Variants in TMEM163 observed in about 807,000 individuals in gnomAD.
The protein encoded by TMEM163 is transmembrane protein 163.
Under a neutral mutation model 29.3 loss-of-function variants are expected in TMEM163, and 17 were observed. That is an observed-to-expected ratio of 0.58 (90% CI 0.40 to 0.87). The LOEUF (loss-of-function observed/expected upper bound fraction) is 0.87, where lower values mean the gene tolerates loss of function less well. TMEM163 is among the 40% of genes least tolerant of loss of function. The probability of loss-of-function intolerance (pLI) is 0.00; values close to 1 mark genes in which losing one functional copy is unlikely to be tolerated. For synonymous variants in TMEM163, 157 were observed against 160.6 expected, an observed-to-expected ratio of 0.98 and a Z score of 0.17; for missense variants, 303 against 381.5, an observed-to-expected ratio of 0.79 and a Z score of 1.71.
intron 2 of TMEM163, among the ~76,000 whole-genome samples, chr2:134,701,133 C>T (rs934048639): frequency 2.0e-5 from 3 of 150,236 alleles, no homozygotes; most frequent in African/African-American, 7.4e-5. Context: ...TTTGGTACTC[C>T]AAAGTAAATT....
intron 4 of TMEM163, among the ~76,000 whole-genome samples, chr2:134,516,792 C>CATATATATGAATATATATAT (rs1558930470): frequency 1.4e-5 from 2 of 147,186 alleles, no homozygotes; most frequent in South Asian, 2.1e-4. Context: ...TATATATATG[C>CATATATATGAATATATATAT]ATGTATGTAT....
At chr2:134,649,183 A>G (rs947138732) in intron 2 of TMEM163, among the ~76,000 whole-genome samples, 2 of 152,246 alleles carry the variant, frequency 1.3e-5, no homozygotes, top group Non-Finnish European at 2.9e-5. Context: ...TATAATATAT[A>G]AAATTATCAA....
intron 6 of TMEM163, among the ~76,000 whole-genome samples, chr2:134,465,515 G>T (rs144306988): frequency 1.4e-4 from 22 of 152,284 alleles, no homozygotes; most frequent in Non-Finnish European, 3.2e-4. Flanking sequence ...CGAGTCTGGG[G>T]CCTGAAACGT....
chr2:134,597,748 CT>C (rs1474539615), intron 2 of TMEM163, among the ~76,000 whole-genome samples: 7 of 152,124 alleles, frequency 4.6e-5, no homozygotes, highest in African/African-American at 1.2e-4. Context: ...TGGTCCTGGA[CT>C]TTTTTTCGTT....
At chr2:134,479,622 G>A (rs595913) in intron 5 of TMEM163, among the ~76,000 whole-genome samples, 98,593 of 152,042 alleles carry the variant, frequency 0.65, 35,074 homozygotes, top group East Asian at 0.98. Context: ...ACGTGAGGTG[G>A]TCTTAAAACC....
At chr2:134,684,629 G>A (rs189920976) in intron 2 of TMEM163, among the ~76,000 whole-genome samples, 214 of 152,260 alleles carry the variant, frequency 1.4e-3, no homozygotes, top group African/African-American at 4.6e-3. Context: ...AACACAGAGA[G>A]ATACCTTAAA....
At chr2:134,495,017 C>T (rs571412910) in intron 5 of TMEM163, among the ~76,000 whole-genome samples, 3 of 152,204 alleles carry the variant, frequency 2.0e-5, no homozygotes, top group East Asian at 3.9e-4. Context: ...CTCTGTCAAA[C>T]GTTTCCTGCC....
chr2:134,590,312 C>T (rs1282534776), intron 2 of TMEM163, among the ~76,000 whole-genome samples: 1 of 152,136 alleles, frequency 6.6e-6, no homozygotes, highest in Non-Finnish European at 1.5e-5. Flanking sequence ...TTCCTCCTGG[C>T]CTTGCCTCCA....
intron 2 of TMEM163, among the ~76,000 whole-genome samples, chr2:134,642,304 T>C (rs1275907032): frequency 1.3e-5 from 2 of 152,078 alleles, no homozygotes; most frequent in African/African-American, 4.8e-5. Flanking sequence ...AATTTTTGTA[T>C]TTTTTAGTAA....
chr2:134,510,301 T>C (rs1303909690), intron 4 of TMEM163, among the ~76,000 whole-genome samples: 1 of 152,108 alleles, frequency 6.6e-6, no homozygotes, highest in Non-Finnish European at 1.5e-5. Context: ...AGTACACAGA[T>C]AGGGCAGGAT....
chr2:134,471,255 AC>A (rs1390704666), intron 5 of TMEM163, among the ~76,000 whole-genome samples: 2 of 152,172 alleles, frequency 1.3e-5, no homozygotes, highest in Non-Finnish European at 2.9e-5. Flanking sequence ...TGAAGCCCTA[AC>A]CCCAATGTGA....
At chr2:134,680,907 G>T (rs144631400) in intron 2 of TMEM163, among the ~76,000 whole-genome samples, 2 of 152,282 alleles carry the variant, frequency 1.3e-5, no homozygotes, top group Non-Finnish European at 2.9e-5. Flanking sequence ...AAAAGCACAT[G>T]AAGAGCTTAG....
chr2:134,465,217 A>AAAACAAAAC (rs1558911837), intron 6 of TMEM163, among the ~76,000 whole-genome samples: 3 of 135,820 alleles, frequency 2.2e-5, no homozygotes, highest in African/African-American at 1.0e-4. Flanking sequence ...AAACAAAACA[A>AAAACAAAAC]AAATATATAT....
At chr2:134,536,817 G>A (rs1680552081) in intron 4 of TMEM163, among the ~76,000 whole-genome samples, 2 of 152,114 alleles carry the variant, frequency 1.3e-5, no homozygotes, top group South Asian at 2.1e-4. Context: ...CCTGGGTCAC[G>A]GTTCCCTGAC....
At chr2:134,539,315 G>T (rs1680611054) in intron 4 of TMEM163, among the ~76,000 whole-genome samples, 1 of 152,110 alleles carries the variant, frequency 6.6e-6, no homozygotes. Context: ...GAGAAAAAAA[G>T]TCACCAGAAT....
intron 2 of TMEM163, among the ~76,000 whole-genome samples, chr2:134,606,935 T>G (rs1301619842): frequency 6.8e-6 from 1 of 147,050 alleles, no homozygotes; most frequent in African/African-American, 2.7e-5. Context: ...ACTGTGCTGG[T>G]GAAAAGGAGG....
chr2:134,705,427 G>A (rs887734751), intron 2 of TMEM163, among the ~76,000 whole-genome samples: 5 of 152,094 alleles, frequency 3.3e-5, no homozygotes, highest in African/African-American at 9.7e-5. Context: ...AGAAGACGGC[G>A]ATCTATGAGC....
intron 5 of TMEM163, among the ~76,000 whole-genome samples, chr2:134,475,190 A>T (rs1686887697): frequency 6.6e-6 from 1 of 152,168 alleles, no homozygotes; most frequent in Non-Finnish European, 1.5e-5. Context: ...CAACAGAACA[A>T]AATAGCCTAG....
At chr2:134,539,371 C>T (rs940171876) in intron 4 of TMEM163, among the ~76,000 whole-genome samples, 2 of 152,212 alleles carry the variant, frequency 1.3e-5, no homozygotes, top group South Asian at 2.1e-4. Flanking sequence ...GCGACATGCA[C>T]TGTGGTGGGG....
Sources: allele counts gnomAD v4.1 joint callset (sites outside exome capture counted in the v4.1 genomes callset), GRCh38; gene constraint gnomAD v4.1.1; transcripts MANE v1.5; gene names NCBI Gene and HGNC (gene_info 2026-07-23, HGNC 2026-07-21).